SH3BP4: variants seen among roughly 807,000 people sequenced by gnomAD.
SH3BP4 encodes SH3 domain-binding protein 4.
In SH3BP4, 33 loss-of-function variants were observed where a neutral mutation model predicts 65.5. That is an observed-to-expected ratio of 0.50 (90% CI 0.38 to 0.67). The LOEUF is 0.67. Among genes scored for constraint, SH3BP4 ranks in the 30% least tolerant of loss-of-function variants. SH3BP4 has a pLI of 0.00. For missense variants in SH3BP4, 1,134 were observed against 1,261.4 expected (o/e 0.90, Z 1.53); for synonymous variants, 552 against 545.5 (o/e 1.01, Z -0.17).
intron 2 of SH3BP4, among the ~76,000 whole-genome samples, chr2:235,010,701 G>T (rs1349609778): frequency 6.6e-6 from 1 of 152,152 alleles, no homozygotes; most frequent in African/African-American, 2.4e-5. Context: ...TGGCAGTACT[G>T]TGTCTCTCCA....
Position 235,034,912 on chromosome 2 carries a change from T to C in SH3BP4, c.-91T>C. ...GAGTGGATGCCGCCGCGCAGCGTGT[T>C]TGCTTGAGGCAGAAGCTTCAGCATC... On this transcript the variant is annotated 5_prime_UTR_variant, in exon 3 of 6. Transcript: ENST00000392011. The surrounding 1 kb of genome is among the most constrained non-coding windows in gnomAD (Gnocchi z 6.2). The C allele has an allele frequency of 1.8e-6, 2 of 1,103,952 alleles. No individual in the cohort carries two copies. The highest frequency in any genetic ancestry group is 2.7e-6 in the Non-Finnish European group (2 of 735,224). The allele number at this position is 1,103,952 out of a possible 1,614,324, so 68.4% of individuals were successfully genotyped here. A position where few individuals can be genotyped will look rare whatever the true frequency, so the allele number is the denominator to read the frequency against.
At chr2:234,985,338 T>C (rs4663175) in intron 1 of SH3BP4, among the ~76,000 whole-genome samples, 1 of 151,970 alleles carries the variant, frequency 6.6e-6, no homozygotes, top group African/African-American at 2.4e-5. Context: ...CAGACAGTCA[T>C]TGTGGCGGAA....
chr2:234,955,748 A>G (rs1692571550), intron 1 of SH3BP4, among the ~76,000 whole-genome samples: 1 of 152,160 alleles, frequency 6.6e-6, no homozygotes. Context: ...GGTTTGGGGT[A>G]TTTTGAGGGA....
At chr2:235,047,466 C>T (rs1381392025) in intron 4 of SH3BP4, among the ~76,000 whole-genome samples, 3 of 152,186 alleles carry the variant, frequency 2.0e-5, no homozygotes, top group Admixed American at 6.5e-5. Flanking sequence ...GGAGGGGCAG[C>T]GTCTGGCAGT....
rs1695817295 is a variant in SH3BP4 at position 235,045,282 on chromosome 2, C to A, written c.2478+2035C>A. Among the ~76,000 whole-genome samples, 2 of 152,278 alleles carry A rather than the reference C, an allele frequency of 1.3e-5. No individual in the cohort carries two copies. Among genetic ancestry groups the A allele is most frequent in the Admixed American group, 1.3e-4 (2 of 15,304 alleles). ...CAGGACACTCACCTCGACGTTGCACCAGAGGTGGAAAAATGACACAACCAG... is the reference window on the plus strand; with the variant it reads ...CAGGACACTCACCTCGACGTTGCACAAGAGGTGGAAAAATGACACAACCAG... On this transcript the variant is annotated intron_variant, in intron 4 of 5. Coordinates refer to ENST00000392011, the MANE Select transcript of SH3BP4 (RefSeq NM_014521.3). The surrounding 1 kb of genome is among the most constrained non-coding windows in gnomAD (Gnocchi z 4.3).
chr2:234,971,552 T>C (rs549063872), intron 1 of SH3BP4, among the ~76,000 whole-genome samples: 45 of 152,226 alleles, frequency 3.0e-4, no homozygotes, highest in Non-Finnish European at 4.6e-4. Context: ...TTTTAATTTT[T>C]TGAGGCACTT....
At chr2:234,972,122 T>TG (rs576721007) in intron 1 of SH3BP4, among the ~76,000 whole-genome samples, 152 of 145,990 alleles carry the variant, frequency 1.0e-3, no homozygotes, top group Non-Finnish European at 1.8e-3. Flanking sequence ...GCCTTTTTTT[T>TG]TTTTGTTTTT....
chr2:235,035,362 T>C lies in SH3BP4; in HGVS notation c.118+242T>C, dbSNP rs748164091. On this transcript the variant is annotated intron_variant, in intron 3 of 5. Transcript: ENST00000392011. The surrounding 1 kb of genome is among the most constrained non-coding windows in gnomAD (Gnocchi z 5.0). ...ACAGGGTATGTTTCTTTTTACTTGA[T>C]AAAATTCGGTGACAGTGTGGTAGGG... is the stretch of plus-strand genomic sequence containing the variant. Among the ~76,000 whole-genome samples, 9 of 152,176 alleles carry C rather than the reference T, an allele frequency of 5.9e-5. No individual in the cohort carries two copies. Among genetic ancestry groups the C allele is most frequent in the Non-Finnish European group, 8.8e-5 (6 of 68,030 alleles).
chr2:235,025,784 C>T (rs912284956), intron 2 of SH3BP4, among the ~76,000 whole-genome samples: 1 of 152,230 alleles, frequency 6.6e-6, no homozygotes, highest in Non-Finnish European at 1.5e-5. Flanking sequence ...GGTGGACTTC[C>T]ATTTGCAAAG....
At chr2:235,025,678 G>GA in intron 2 of SH3BP4, among the ~76,000 whole-genome samples, 1 of 152,320 alleles carries the variant, frequency 6.6e-6, no homozygotes, top group Admixed American at 6.5e-5. Context: ...AGGGAACTAA[G>GA]AAAAAATAAC....
intron 2 of SH3BP4, among the ~76,000 whole-genome samples, chr2:235,024,252 C>T (rs1032640578): frequency 5.3e-5 from 8 of 152,212 alleles, no homozygotes; most frequent in African/African-American, 1.4e-4. Flanking sequence ...AATAAACTAA[C>T]GAGTGACACC....
rs766623886 is a variant in SH3BP4 at position 235,035,069 on chromosome 2, C to T, written c.67C>T (p.Leu23=). The T allele has an allele frequency of 6.2e-7, 1 of 1,614,038 alleles. No homozygotes were observed. Among genetic ancestry groups the T allele is most frequent in the Non-Finnish European group, 8.5e-7 (1 of 1,180,046 alleles). ...GLPRCKSEGT[L]IDLSEGFSET... is the part of the protein sequence containing the mutation. Reference sequence around the variant, plus strand: ...CCCTCGCTGCAAGTCAGAGGGGACCCTGATTGACCTGAGCGAAGGGTTTTC... The same window carrying T: ...CCCTCGCTGCAAGTCAGAGGGGACCTTGATTGACCTGAGCGAAGGGTTTTC... The change falls in exon 3 of 6, where the codon CTG becomes TTG. Residue 23 remains leucine, a synonymous_variant. Coordinates refer to ENST00000392011, the MANE Select transcript of SH3BP4 (RefSeq NM_014521.3). The surrounding 1 kb of genome is among the most constrained non-coding windows in gnomAD (Gnocchi z 5.0).
intron 2 of SH3BP4, among the ~76,000 whole-genome samples, chr2:235,008,372 G>A (rs1011732588): frequency 6.6e-6 from 1 of 152,208 alleles, no homozygotes; most frequent in Non-Finnish European, 1.5e-5. Flanking sequence ...GGGCCCAGGA[G>A]GGCCAGAGAG....
chr2:235,022,809 C>T (rs1258314369), intron 2 of SH3BP4, among the ~76,000 whole-genome samples: 2 of 152,168 alleles, frequency 1.3e-5, no homozygotes, highest in African/African-American at 4.8e-5. Context: ...TGATTAGATA[C>T]AAAGATGATC....
intron 3 of SH3BP4, 84 bp from the exon 4 acceptor site, chr2:235,040,804 C>T: frequency 8.3e-7 from 1 of 1,200,074 alleles, no homozygotes; most frequent in Non-Finnish European, 1.2e-6. Flanking sequence ...TGTCTGTTTA[C>T]CACCGTCCTC....
chr2:234,968,377 CTTT>C (rs551034590), intron 1 of SH3BP4, among the ~76,000 whole-genome samples: 2 of 105,768 alleles, frequency 1.9e-5, no homozygotes, highest in African/African-American at 3.5e-5. Context: ...CAGAGTTGTT[CTTT>C]TTTTTTTTTT....
chr2:235,036,915 AT>A (rs987435900), intron 3 of SH3BP4, among the ~76,000 whole-genome samples: 2 of 151,760 alleles, frequency 1.3e-5, no homozygotes, highest in Non-Finnish European at 2.9e-5. Context: ...GAACCATGGG[AT>A]CTCTGGCCTT....
In SH3BP4 at chr2:235,034,680, A is replaced by G. The variant is rs1416254727; in HGVS notation, c.-132-191A>G. Among the ~76,000 whole-genome samples the G allele has an allele frequency of 6.6e-6, 1 of 152,220 alleles. No individual in the cohort carries two copies. Among genetic ancestry groups the G allele is most frequent in the Non-Finnish European group, 1.5e-5 (1 of 68,048 alleles). On this transcript the variant is annotated intron_variant, in intron 2 of 5. Transcript: ENST00000392011. The surrounding 1 kb of genome is among the most constrained non-coding windows in gnomAD (Gnocchi z 6.2). ...GCTGTGTGTGCCCAGTGTGCCAATG[A>G]GACAAGCACAAAGTGGGCACAGAGG...
intron 2 of SH3BP4, among the ~76,000 whole-genome samples, chr2:234,996,750 T>C (rs1693930224): frequency 6.6e-6 from 1 of 152,200 alleles, no homozygotes; most frequent in Non-Finnish European, 1.5e-5. Flanking sequence ...TGTCTGTAGA[T>C]AAACTGGAGA....
Sources: gnomAD v4.1 joint callset for allele counts (sites outside exome capture counted in the v4.1 genomes callset) on GRCh38, gnomAD v4.1.1 for gene constraint, Gnocchi (gnomAD v3.1) non-coding constraint, MANE v1.5 for transcripts, NCBI Gene and HGNC (gene_info 2026-07-23, HGNC 2026-07-21) for gene names.